KLF12: variants seen among roughly 807,000 people sequenced by gnomAD.
KLF12 encodes the protein KLF transcription factor 12.
KLF12 carries 9 observed loss-of-function variants against 37.8 expected under a neutral mutation model. That is an observed-to-expected ratio of 0.24 (90% CI 0.14 to 0.42). The LOEUF is 0.42. KLF12 is among the 10% of genes least tolerant of loss of function. The probability of loss-of-function intolerance (pLI) is 1.00; values close to 1 mark genes in which losing one functional copy is unlikely to be tolerated. For missense variants in KLF12, 411 were observed against 516.0 expected, an observed-to-expected ratio of 0.80 and a Z score of 1.97; for synonymous variants, 208 against 202.1, an observed-to-expected ratio of 1.03 and a Z score of -0.25.
upstream of KLF12, among the ~76,000 whole-genome samples, chr13:74,135,549 G>T (rs1478388135): frequency 6.6e-6 from 1 of 151,284 alleles, no homozygotes; most frequent in African/African-American, 2.4e-5. Flanking sequence ...TCAGCGCCGA[G>T]CCGGAGGGTC....
At chr13:74,104,996 A>G (rs1021928532) in intron 1 of KLF12, among the ~76,000 whole-genome samples, 4 of 152,170 alleles carry the variant, frequency 2.6e-5, no homozygotes, top group African/African-American at 9.6e-5. Flanking sequence ...TCTTTTTTTA[A>G]GATCATAAGC....
chr13:74,028,245 G>A (rs572163853), intron 1 of KLF12, among the ~76,000 whole-genome samples: 1 of 152,216 alleles, frequency 6.6e-6, no homozygotes, highest in East Asian at 1.9e-4. Context: ...ATGGAAACAC[G>A]ATTTATAATC....
intron 4 of KLF12, among the ~76,000 whole-genome samples, chr13:73,823,856 G>T (rs1209033059): frequency 6.6e-6 from 1 of 151,988 alleles, no homozygotes; most frequent in Non-Finnish European, 1.5e-5. Flanking sequence ...GATTACAGGT[G>T]CATGCCACCA....
the KLF12 span, among the ~76,000 whole-genome samples, chr13:74,218,107 GC>G: frequency 6.6e-6 from 1 of 152,146 alleles, no homozygotes; most frequent in African/African-American, 2.4e-5. Context: ...AAGTTGAGAA[GC>G]AAAACTGCAA....
At chr13:73,778,430 C>T (rs536529221) in intron 5 of KLF12, among the ~76,000 whole-genome samples, 3 of 152,130 alleles carry the variant, frequency 2.0e-5, no homozygotes, top group Non-Finnish European at 4.4e-5. Context: ...GGTGCAATCA[C>T]GGCTCTGCAG....
At chr13:73,729,443 G>A (rs569424539) in intron 6 of KLF12, among the ~76,000 whole-genome samples, 8 of 152,280 alleles carry the variant, frequency 5.3e-5, no homozygotes, top group Admixed American at 2.6e-4. Flanking sequence ...GTCAGAAAAA[G>A]TACTTGACAG....
chr13:73,757,279 C>T (rs60306065), intron 6 of KLF12, among the ~76,000 whole-genome samples: 54,669 of 151,982 alleles, frequency 0.36, 11,204 homozygotes, highest in African/African-American at 0.56. Context: ...TTATGTAAAA[C>T]AGCTGTGACA....
At chr13:74,097,427 G>A (rs1876042212) in intron 1 of KLF12, among the ~76,000 whole-genome samples, 1 of 152,086 alleles carries the variant, frequency 6.6e-6, no homozygotes, top group East Asian at 1.9e-4. Context: ...AAAGAAAACT[G>A]ATGCACAAAT....
At chr13:74,272,533 A>T in the KLF12 span, among the ~76,000 whole-genome samples, 1 of 152,146 alleles carries the variant, frequency 6.6e-6, no homozygotes, top group African/African-American at 2.4e-5. Context: ...CTGAGATAAG[A>T]CTTCAGACAT....
intron 6 of KLF12, among the ~76,000 whole-genome samples, chr13:73,743,152 A>G (rs1878122827): frequency 6.6e-6 from 1 of 152,236 alleles, no homozygotes. Flanking sequence ...AGCAGCATGT[A>G]ACATATCAGA....
chr13:73,775,579 C>T (rs1880561388), intron 5 of KLF12, among the ~76,000 whole-genome samples: 1 of 152,148 alleles, frequency 6.6e-6, no homozygotes, highest in South Asian at 2.1e-4. Flanking sequence ...GTAAATGGTA[C>T]ATTAAGGTTC....
chr13:73,821,827 T>C (rs1375405136), intron 4 of KLF12, among the ~76,000 whole-genome samples: 2 of 152,216 alleles, frequency 1.3e-5, no homozygotes, highest in East Asian at 3.9e-4. Flanking sequence ...GCCACCACAA[T>C]CTACCCTTCC....
At chr13:74,098,584 C>A (rs1252120471) in intron 1 of KLF12, among the ~76,000 whole-genome samples, 1 of 152,148 alleles carries the variant, frequency 6.6e-6, no homozygotes, top group African/African-American at 2.4e-5. Flanking sequence ...AGGCCTAATA[C>A]CCTAGAGCCC....
rs1295894241 is a variant in KLF12, at chr13:73,746,808, TC to T, written c.869+18129del. Among the ~76,000 whole-genome samples, 86 of 127,756 alleles carry T rather than the reference TC, an allele frequency of 6.7e-4. 3 individuals are homozygous for T. In the South Asian group the frequency reaches 0.015, roughly 22 times the overall value. 83.8% of individuals were successfully genotyped at this position (127,756 alleles called of 152,430 possible). A position where few individuals can be genotyped will look rare whatever the true frequency, so the allele number is the denominator to read the frequency against. On this transcript the variant is annotated intron_variant, in intron 6 of 7. Transcript: ENST00000377669. Reference sequence around the variant, plus strand: ...GTTTAAAGCCATGCCCCTCCCTCCCTCCTTTTTTTTTTTTTTTTTTTTGAGA... The same window carrying T: ...GTTTAAAGCCATGCCCCTCCCTCCCTCTTTTTTTTTTTTTTTTTTTTGAGA...
rs1408180595 is a variant in KLF12, at chr13:74,082,870, C to T, written c.-32+50869G>A. On this transcript the variant is annotated intron_variant, in intron 1 of 7. Coordinates refer to ENST00000377669, the MANE Select transcript of KLF12 (RefSeq NM_007249.5). The stretch of plus-strand genomic sequence containing the variant: ...AGGGGAGGCACACTGACAGACCTTC[C>T]GGCAAGAGTTAGGTTAGTTAAAAAT... 6.6e-5 allele frequency among the ~76,000 whole-genome samples: 10 copies of T among 151,900 alleles called. No individual in the cohort carries two copies. In the East Asian group the frequency reaches 9.7e-4, roughly 15 times the overall value.
At chr13:74,039,502 C>T (rs1893346731) in intron 1 of KLF12, among the ~76,000 whole-genome samples, 1 of 151,766 alleles carries the variant, frequency 6.6e-6, no homozygotes, top group South Asian at 2.1e-4. Context: ...CATACTCCAG[C>T]CTGGGCAACA....
chr13:74,072,364 AATATATATATATAT>A (rs773653636), intron 1 of KLF12, among the ~76,000 whole-genome samples: 3,031 of 63,076 alleles, frequency 0.048, 178 homozygotes, highest in African/African-American at 0.11. Context: ...AAGAAATACA[AATATATATATATAT>A]ATATATATAT....
At chr13:73,858,694 G>C (rs558016437) in intron 3 of KLF12, among the ~76,000 whole-genome samples, 55 of 152,232 alleles carry the variant, frequency 3.6e-4, no homozygotes, top group African/African-American at 1.3e-3. Context: ...TCTGGTAACA[G>C]CATTTTCCCC....
the KLF12 span, among the ~76,000 whole-genome samples, chr13:74,263,913 C>A: frequency 6.6e-6 from 1 of 151,946 alleles, no homozygotes; most frequent in East Asian, 1.9e-4. Flanking sequence ...ATTTTGGGTG[C>A]TTTATAGCCA....
Sources: allele counts gnomAD v4.1 joint callset (sites outside exome capture counted in the v4.1 genomes callset), GRCh38; gene constraint gnomAD v4.1.1; transcripts MANE v1.5; gene names NCBI Gene and HGNC (gene_info 2026-07-23, HGNC 2026-07-21).